The following RBFOX1 variants were observed in gnomAD, a reference collection of about 807,000 sequenced individuals.
The protein encoded by RBFOX1 is RNA binding fox-1 homolog 1, also known as RNA binding protein fox-1 homolog 1.
Under a neutral mutation model 57.7 loss-of-function variants are expected in RBFOX1, and 8 were observed. The observed-to-expected ratio is 0.14, with a 90% CI of 0.08 to 0.25. The LOEUF (loss-of-function observed/expected upper bound fraction) is 0.25, where lower values mean the gene tolerates loss of function less well. Ranked by LOEUF, RBFOX1 falls within the 10% of genes least tolerant of loss-of-function variation. RBFOX1 has a pLI of 1.00. For synonymous variants in RBFOX1, 326 were observed against 222.4 expected, an observed-to-expected ratio of 1.47 and a Z score of -4.15; for missense variants, 611 against 548.5, an observed-to-expected ratio of 1.11 and a Z score of -1.14.
chr16:7,228,103 C>T (rs1192659120), intron 4 of RBFOX1, among the ~76,000 whole-genome samples: 4 of 152,142 alleles, frequency 2.6e-5, no homozygotes. Context: ...GGTTAAGAAT[C>T]ACTATCTTAC....
intron 4 of RBFOX1, among the ~76,000 whole-genome samples, chr16:7,179,684 C>G (rs2082321253): frequency 6.6e-6 from 1 of 151,862 alleles, no homozygotes; most frequent in African/African-American, 2.4e-5. Context: ...ATGCATTGTC[C>G]TTCATTTGTA....
intron 1 of RBFOX1, among the ~76,000 whole-genome samples, chr16:6,138,844 G>A (rs1038492305): frequency 4.6e-5 from 7 of 152,166 alleles, no homozygotes; most frequent in African/African-American, 1.7e-4. Context: ...TCCAGCCTGG[G>A]CGACAGAGTG....
At chr16:5,954,312 C>T (rs182793005) in intron 4 of RBFOX1, among the ~76,000 whole-genome samples, 2 of 152,180 alleles carry the variant, frequency 1.3e-5, no homozygotes, top group Admixed American at 6.5e-5. Context: ...GGTGAGCATC[C>T]TCCTGTCTAA....
At chr16:7,367,152 T>C (rs1596562472) in intron 4 of RBFOX1, among the ~76,000 whole-genome samples, 1 of 152,204 alleles carries the variant, frequency 6.6e-6, no homozygotes, top group East Asian at 1.9e-4. Flanking sequence ...GATGGTCTCC[T>C]GGGCTAGGTG....
intron 1 of RBFOX1, among the ~76,000 whole-genome samples, chr16:5,374,591 G>A (rs1267273303): frequency 6.6e-6 from 1 of 152,178 alleles, no homozygotes; most frequent in Non-Finnish European, 1.5e-5. Flanking sequence ...GGCTAAGAGG[G>A]TTTTGAATGG....
intron 4 of RBFOX1, among the ~76,000 whole-genome samples, chr16:7,410,745 G>A (rs991593787): frequency 1.3e-5 from 2 of 151,982 alleles, no homozygotes; most frequent in South Asian, 4.1e-4. Context: ...CTCCTCTCTT[G>A]GTTGGATAAC....
chr16:6,781,202 C>T (rs372421073), intron 3 of RBFOX1, among the ~76,000 whole-genome samples: 3 of 152,144 alleles, frequency 2.0e-5, no homozygotes, highest in African/African-American at 4.8e-5. Context: ...AGTGTTTGGT[C>T]TTCATTATGT....
chr16:7,148,386 C>G (rs556803850), intron 4 of RBFOX1, among the ~76,000 whole-genome samples: 1 of 152,170 alleles, frequency 6.6e-6, no homozygotes, highest in African/African-American at 2.4e-5. Flanking sequence ...TTTGCATTAA[C>G]CAACACTCCC....
At chr16:6,412,110 G>A (rs1376518293) in intron 2 of RBFOX1, among the ~76,000 whole-genome samples, 1 of 146,994 alleles carries the variant, frequency 6.8e-6, no homozygotes, top group African/African-American at 2.5e-5. Context: ...TCCAGTACAG[G>A]CAATAGTGCA....
At chr16:6,921,747 A>G (rs1012255765) in intron 3 of RBFOX1, among the ~76,000 whole-genome samples, 3 of 151,118 alleles carry the variant, frequency 2.0e-5, no homozygotes, top group South Asian at 4.2e-4. Flanking sequence ...GAGCATATGT[A>G]TGTGTGTGTG....
chr16:7,541,063 C>T (rs1399028838), intron 5 of RBFOX1, among the ~76,000 whole-genome samples: 1 of 152,180 alleles, frequency 6.6e-6, no homozygotes, highest in African/African-American at 2.4e-5. Flanking sequence ...AGAAGCACCC[C>T]TAACCACACA....
At chr16:5,958,939 C>A (rs377659982) in intron 4 of RBFOX1, among the ~76,000 whole-genome samples, 2 of 152,202 alleles carry the variant, frequency 1.3e-5, no homozygotes, top group Admixed American at 1.3e-4. Context: ...TCTCAACAAC[C>A]TAAATCACAT....
At chr16:6,574,897 G>T (rs1329569760) in intron 2 of RBFOX1, among the ~76,000 whole-genome samples, 1 of 151,428 alleles carries the variant, frequency 6.6e-6, no homozygotes, top group Non-Finnish European at 1.5e-5. Flanking sequence ...AATTTGGCAG[G>T]CGTGGTGGCG....
intron 3 of RBFOX1, among the ~76,000 whole-genome samples, chr16:5,682,924 G>T (rs1032989878): frequency 3.3e-5 from 5 of 152,178 alleles, no homozygotes; most frequent in African/African-American, 4.8e-5. Flanking sequence ...AAAGCTCCCA[G>T]GGTCTAGTGT....
chr16:5,332,328 T>G (rs1164755999), intron 1 of RBFOX1, among the ~76,000 whole-genome samples: 2 of 152,100 alleles, frequency 1.3e-5, no homozygotes, highest in Non-Finnish European at 2.9e-5. Context: ...AGTGCAGTGG[T>G]GTGATCTCGA....
At chr16:5,265,479 C>G (rs1024048221) in intron 1 of RBFOX1, among the ~76,000 whole-genome samples, 11 of 152,138 alleles carry the variant, frequency 7.2e-5, no homozygotes, top group Non-Finnish European at 1.5e-4. Context: ...CATGAGAACC[C>G]AGAGAATTGG....
intron 3 of RBFOX1, among the ~76,000 whole-genome samples, chr16:6,748,490 G>A (rs12445945): frequency 0.089 from 13,486 of 152,016 alleles, 743 homozygotes; most frequent in East Asian, 0.15. Context: ...ACAAGATCCC[G>A]TCTCTCCAAA....
At chr16:6,900,139 C>T (rs530643657) in intron 3 of RBFOX1, among the ~76,000 whole-genome samples, 1 of 152,058 alleles carries the variant, frequency 6.6e-6, no homozygotes, top group East Asian at 1.9e-4. Flanking sequence ...TTAGTTATTG[C>T]TGGTGGTGGT....
intron 2 of RBFOX1, among the ~76,000 whole-genome samples, chr16:6,326,074 T>C (rs2082335826): frequency 1.3e-5 from 2 of 152,206 alleles, no homozygotes; most frequent in Admixed American, 6.5e-5. Flanking sequence ...TTAACTCTTA[T>C]TGAACCTCAG....
Sources: allele counts gnomAD v4.1 joint callset (sites outside exome capture counted in the v4.1 genomes callset), GRCh38; gene constraint gnomAD v4.1.1; transcripts MANE v1.5; gene names NCBI Gene and HGNC (gene_info 2026-07-23, HGNC 2026-07-21).